Variants in NECAB1 observed in about 807,000 individuals in gnomAD.
The protein encoded by NECAB1 is N-terminal EF-hand calcium-binding protein 1.
A neutral mutation model predicts 57.5 loss-of-function variants in NECAB1; 29 were observed. The observed-to-expected ratio is 0.50, with a 90% CI of 0.38 to 0.69. NECAB1 has a LOEUF of 0.69. Among genes scored for constraint, NECAB1 ranks in the 30% least tolerant of loss-of-function variants. NECAB1 has a pLI of 0.00. For missense variants in NECAB1, 372 were observed against 413.8 expected, an observed-to-expected ratio of 0.90 and a Z score of 0.88; for synonymous variants, 142 against 147.7, an observed-to-expected ratio of 0.96 and a Z score of 0.28.
At chr8:90,848,853 TG>T (rs1465226287) in intron 3 of NECAB1, among the ~76,000 whole-genome samples, 1 of 152,048 alleles carries the variant, frequency 6.6e-6, no homozygotes, top group Non-Finnish European at 1.5e-5. Flanking sequence ...CTGGGTGTGG[TG>T]GCAGGAAAAT....
chr8:90,793,989 C>T (rs2130635923), intron 1 of NECAB1, among the ~76,000 whole-genome samples: 1 of 152,222 alleles, frequency 6.6e-6, no homozygotes, highest in East Asian at 1.9e-4. Context: ...AACTTGTAGT[C>T]TGTGAATAGG....
At chr8:90,893,413 A>G (rs149038520) in intron 5 of NECAB1, among the ~76,000 whole-genome samples, 194 of 152,244 alleles carry the variant, frequency 1.3e-3, no homozygotes, top group Non-Finnish European at 2.2e-3. Context: ...AAAAATATAT[A>G]TCGGCTCCCA....
Position 90,958,896 on chromosome 8 carries a change from C to T in NECAB1, c.*3384C>T. ...CTCATTTTTAGAGAAGTCAAATAGC[C>T]AACCATCAAAATTAAGAATAAATTG... On this transcript the variant is annotated 3_prime_UTR_variant, in exon 13 of 13. Coordinates refer to ENST00000417640, the MANE Select transcript of NECAB1 (RefSeq NM_022351.5). 1.6e-6 allele frequency: 1 copy of T among 633,542 alleles called. No individual in the cohort carries two copies. The highest frequency in any genetic ancestry group is 2.0e-5 in the African/African-American group (1 of 50,826). 39.2% of individuals were successfully genotyped at this position (633,542 alleles called of 1,614,324 possible).
chr8:90,871,834 C>T (rs1808627038), intron 3 of NECAB1, among the ~76,000 whole-genome samples: 1 of 152,114 alleles, frequency 6.6e-6, no homozygotes. Flanking sequence ...AGGATTTGAA[C>T]TCAGGCATTC....
intron 3 of NECAB1, among the ~76,000 whole-genome samples, chr8:90,849,302 C>T (rs748608747): frequency 6.6e-6 from 1 of 151,942 alleles, no homozygotes; most frequent in Non-Finnish European, 1.5e-5. Flanking sequence ...GACCCTGTCT[C>T]TACAGAAAAT....
chr8:90,834,511 C>A (rs1047791380), intron 3 of NECAB1, among the ~76,000 whole-genome samples: 1 of 152,040 alleles, frequency 6.6e-6, no homozygotes, highest in African/African-American at 2.4e-5. Context: ...AAAGTGCCAT[C>A]GATGAGTAAC....
chr8:90,950,240 A>C (rs1810898739), intron 11 of NECAB1, among the ~76,000 whole-genome samples: 1 of 151,968 alleles, frequency 6.6e-6, no homozygotes. Flanking sequence ...AAAAAGCTTT[A>C]CCTCCTAATT....
intron 3 of NECAB1, among the ~76,000 whole-genome samples, chr8:90,849,955 G>A (rs1812652162): frequency 6.6e-6 from 1 of 152,040 alleles, no homozygotes; most frequent in South Asian, 2.1e-4. Context: ...GAAAGATAAG[G>A]GACTGTGGTC....
At chr8:90,816,671 C>G (rs999897017) in intron 2 of NECAB1, among the ~76,000 whole-genome samples, 6 of 151,744 alleles carry the variant, frequency 4.0e-5, no homozygotes, top group African/African-American at 1.2e-4. Flanking sequence ...ACTCTAAATT[C>G]TGATCAGTTT....
At chr8:90,866,013 T>C (rs1268116152) in intron 3 of NECAB1, among the ~76,000 whole-genome samples, 1 of 152,174 alleles carries the variant, frequency 6.6e-6, no homozygotes, top group Non-Finnish European at 1.5e-5. Flanking sequence ...ATATGACCAA[T>C]TACAAATATA....
chr8:90,874,511 C>G (rs999173829), intron 4 of NECAB1, among the ~76,000 whole-genome samples: 1 of 152,186 alleles, frequency 6.6e-6, no homozygotes, highest in African/African-American at 2.4e-5. Flanking sequence ...CAATACTGAG[C>G]TCTACTATTT....
chr8:90,852,076 G>T (rs1280574694), intron 3 of NECAB1, among the ~76,000 whole-genome samples: 1 of 152,138 alleles, frequency 6.6e-6, no homozygotes, highest in Non-Finnish European at 1.5e-5. Context: ...TTTAGAAAGT[G>T]GGTATTGTTT....
In NECAB1 at chr8:90,912,342, C is replaced by T. The variant is rs1260866017; in HGVS notation, c.358-5150C>T. 2.6e-5 allele frequency among the ~76,000 whole-genome samples: 4 copies of T among 152,094 alleles called. No individual in the cohort carries two copies. In the South Asian group the frequency reaches 6.2e-4, roughly 24 times the overall value. Reference sequence around the variant, plus strand: ...GAAAGAATCCTACACAAAATAAGTTCTTGATGACTTTAAGATGAGCCCTTT... The same window carrying T: ...GAAAGAATCCTACACAAAATAAGTTTTTGATGACTTTAAGATGAGCCCTTT... On this transcript the variant is annotated intron_variant, in intron 5 of 12. Transcript: ENST00000417640.
intron 3 of NECAB1, among the ~76,000 whole-genome samples, chr8:90,869,728 C>T (rs897913697): frequency 1.3e-5 from 2 of 152,086 alleles, no homozygotes; most frequent in Non-Finnish European, 1.5e-5. Flanking sequence ...TTTACAGGCT[C>T]AGAGGTGGAA....
chr8:90,918,792 C>T (rs1361587048), intron 6 of NECAB1, among the ~76,000 whole-genome samples: 2 of 151,888 alleles, frequency 1.3e-5, no homozygotes, highest in African/African-American at 4.9e-5. Flanking sequence ...AGTAATTTCT[C>T]TGGGAAGCCT....
intron 2 of NECAB1, among the ~76,000 whole-genome samples, chr8:90,809,151 G>C (rs1279295350): frequency 6.6e-6 from 1 of 152,136 alleles, no homozygotes; most frequent in Non-Finnish European, 1.5e-5. Flanking sequence ...AAATTCTCGT[G>C]TGTCTTGGAG....
rs200342791 is a variant in NECAB1 at position 90,925,655 on chromosome 8, A to G, written c.615A>G (p.Pro205=). 3.6e-4 allele frequency: 574 copies of G among 1,613,786 alleles called. 2 individuals carry two copies. The African/African-American group carries it at 6.8e-3, about 19-fold the overall frequency. Reference sequence around the variant, plus strand: ...GCCCTCAGTTTAATGTCAGCGGTCCAGGTAACATACCCTTCATTTGTTTTT... The same window carrying G: ...GCCCTCAGTTTAATGTCAGCGGTCCGGGTAACATACCCTTCATTTGTTTTT... ...PNSPQFNVSG[P]GLLEEDNQWM... Residue 205 remains proline, a splice_region_variant and synonymous_variant, in exon 7 of 13, where the codon CCA becomes CCG. Coordinates refer to ENST00000417640, the MANE Select transcript of NECAB1 (RefSeq NM_022351.5).
chr8:90,911,333 T>C (rs1425683759), intron 5 of NECAB1, among the ~76,000 whole-genome samples: 1 of 152,100 alleles, frequency 6.6e-6, no homozygotes, highest in Non-Finnish European at 1.5e-5. Flanking sequence ...AGATGTTCTA[T>C]AGGAGGATAT....
At chr8:90,853,970 G>T (rs149608410) in intron 3 of NECAB1, among the ~76,000 whole-genome samples, 243 of 152,248 alleles carry the variant, frequency 1.6e-3, no homozygotes, top group African/African-American at 5.6e-3. Context: ...ACAGGAAGCA[G>T]ATCGTTGGTT....
Sources: gnomAD v4.1 joint callset for allele counts (sites outside exome capture counted in the v4.1 genomes callset) on GRCh38, gnomAD v4.1.1 for gene constraint, MANE v1.5 for transcripts, NCBI Gene and HGNC (gene_info 2026-07-23, HGNC 2026-07-21) for gene names.